MACROD2: variants seen among roughly 807,000 people sequenced by gnomAD.
The protein encoded by MACROD2 is mono-ADP ribosylhydrolase 2.
Under a neutral mutation model 70.4 loss-of-function variants are expected in MACROD2, and 36 were observed. The observed-to-expected ratio is 0.51, with a 90% CI of 0.39 to 0.68. The LOEUF is 0.68. Among genes scored for constraint, MACROD2 ranks in the 30% least tolerant of loss-of-function variants. The probability of loss-of-function intolerance (pLI) is 0.00; values close to 1 mark genes in which losing one functional copy is unlikely to be tolerated. For missense variants in MACROD2, 496 were observed against 538.4 expected (o/e 0.92, Z 0.78); for synonymous variants, 172 against 178.8 (o/e 0.96, Z 0.30).
intron 5 of MACROD2, among the ~76,000 whole-genome samples, chr20:14,715,974 A>G (rs1311310737): frequency 6.6e-6 from 1 of 152,170 alleles, no homozygotes; most frequent in East Asian, 1.9e-4. Flanking sequence ...ACACCAAAAA[A>G]TCTGTTACAT....
At chr20:15,073,196 G>A (rs979158320) in intron 5 of MACROD2, among the ~76,000 whole-genome samples, 4 of 152,020 alleles carry the variant, frequency 2.6e-5, no homozygotes, top group African/African-American at 9.7e-5. Flanking sequence ...TACCCATGAA[G>A]GAGAAGTGAT....
rs568874984 is a variant in MACROD2 at position 15,770,553 on chromosome 20, A to T, written c.646-92192A>T. On this transcript the variant is annotated intron_variant, in intron 8 of 17. Transcript: ENST00000684519. ...TCAGGAACTTAAAAGAAAGACACAA[A>T]CTCACAAACAGCGAGAAAGAGAGAC... is the stretch of plus-strand genomic sequence containing the variant. Among the ~76,000 whole-genome samples, 17 of 152,224 alleles carry T rather than the reference A, an allele frequency of 1.1e-4. No homozygotes were observed. In the East Asian group the frequency reaches 3.3e-3, roughly 29 times the overall value.
intron 3 of MACROD2, among the ~76,000 whole-genome samples, chr20:14,425,664 C>T (rs999116462): frequency 7.9e-5 from 12 of 152,190 alleles, no homozygotes; most frequent in Admixed American, 6.5e-5. Flanking sequence ...CTGGAAATTT[C>T]TGACCTCCTG....
chr20:13,995,675 C>T lies in MACROD2; in HGVS notation c.-89C>T. ...CTTTCACTTTTTCCCTGCTGAGTGC[C>T]CCCTCCCACCCCTCCCACTCCACAC... On this transcript the variant is annotated 5_prime_UTR_variant, in exon 1 of 18. Transcript: ENST00000684519. The surrounding 1 kb of genome is among the most constrained non-coding windows in gnomAD (Gnocchi z 4.3). 1 of 880,900 alleles carries T rather than the reference C, an allele frequency of 1.1e-6. No individual in the cohort carries two copies. Among genetic ancestry groups the T allele is most frequent in the East Asian group, 2.4e-5 (1 of 41,078 alleles). The allele number at this position is 880,900 out of a possible 1,614,324, so 54.6% of individuals were successfully genotyped here.
intron 6 of MACROD2, among the ~76,000 whole-genome samples, chr20:15,368,641 T>G (rs1184789694): frequency 6.6e-6 from 1 of 152,034 alleles, no homozygotes; most frequent in Non-Finnish European, 1.5e-5. Flanking sequence ...TTTTGTATTT[T>G]TAGTAGAGAC....
intron 5 of MACROD2, among the ~76,000 whole-genome samples, chr20:14,807,211 G>T (rs2072650211): frequency 6.6e-6 from 1 of 152,130 alleles, no homozygotes; most frequent in African/African-American, 2.4e-5. Context: ...GCGTCTAGCA[G>T]GTGCCCCTCT....
intron 8 of MACROD2, among the ~76,000 whole-genome samples, chr20:15,519,421 G>A (rs1295525437): frequency 1.3e-5 from 2 of 152,156 alleles, no homozygotes; most frequent in African/African-American, 4.8e-5. Flanking sequence ...ACCGTGCCCA[G>A]CCGTTTCTCT....
At chr20:14,417,425 G>T (rs2083821212) in intron 3 of MACROD2, among the ~76,000 whole-genome samples, 1 of 152,084 alleles carries the variant, frequency 6.6e-6, no homozygotes, top group Non-Finnish European at 1.5e-5. Context: ...GAAAATGATA[G>T]GAAAGTCAAT....
At chr20:14,586,488 C>T (rs1981386347) in intron 4 of MACROD2, among the ~76,000 whole-genome samples, 1 of 151,970 alleles carries the variant, frequency 6.6e-6, no homozygotes, top group African/African-American at 2.4e-5. Context: ...TAAAAAAGTC[C>T]AGTACTAGTT....
chr20:14,065,314 G>A (rs753015392), intron 2 of MACROD2, among the ~76,000 whole-genome samples: 5 of 152,160 alleles, frequency 3.3e-5, no homozygotes, highest in Non-Finnish European at 2.9e-5. Flanking sequence ...TTTGACTGTT[G>A]TATAACTCTG....
chr20:15,359,154 T>G (rs892500872), intron 6 of MACROD2, among the ~76,000 whole-genome samples: 3 of 152,286 alleles, frequency 2.0e-5, no homozygotes, highest in African/African-American at 4.8e-5. Flanking sequence ...CATTTATAAC[T>G]TAATGTAATT....
At chr20:15,669,018 A>G (rs1406936428) in intron 8 of MACROD2, among the ~76,000 whole-genome samples, 1 of 152,218 alleles carries the variant, frequency 6.6e-6, no homozygotes. Flanking sequence ...AGAACAGGAA[A>G]GAAATTTAGA....
chr20:14,120,444 C>G (rs2054572784), intron 3 of MACROD2, among the ~76,000 whole-genome samples: 2 of 151,922 alleles, frequency 1.3e-5, no homozygotes, highest in South Asian at 4.2e-4. Context: ...TTAGTTCAAC[C>G]ATTGTGGAAG....
rs531491517 is a variant in MACROD2, at chr20:15,095,603, C to T, written c.419-134337C>T. Among the ~76,000 whole-genome samples the T allele has an allele frequency of 2.6e-4, 39 of 151,926 alleles. No homozygotes were observed. The East Asian group carries it at 5.7e-3, about 22-fold the overall frequency. ...CACAATCTCGGCTCACTGCAAGCTCCGCCTCCCGGGTTCACGCCATTCTCC... is the reference window on the plus strand; with the variant it reads ...CACAATCTCGGCTCACTGCAAGCTCTGCCTCCCGGGTTCACGCCATTCTCC... On this transcript the variant is annotated intron_variant, in intron 5 of 17. Transcript: ENST00000684519.
chr20:15,703,231 A>T (rs545142555), intron 8 of MACROD2, among the ~76,000 whole-genome samples: 1 of 152,210 alleles, frequency 6.6e-6, no homozygotes, highest in African/African-American at 2.4e-5. Flanking sequence ...CAGAATAAAG[A>T]TCTGTTCTAA....
At chr20:14,414,449 G>A (rs1039718166) in intron 3 of MACROD2, among the ~76,000 whole-genome samples, 1 of 152,020 alleles carries the variant, frequency 6.6e-6, no homozygotes, top group Non-Finnish European at 1.5e-5. Flanking sequence ...CACTCCCAAG[G>A]CACCATCATT....
At chr20:14,674,471 A>C (rs963763063) in intron 4 of MACROD2, among the ~76,000 whole-genome samples, 2 of 152,200 alleles carry the variant, frequency 1.3e-5, no homozygotes, top group African/African-American at 4.8e-5. Flanking sequence ...TTGTCAGTTT[A>C]CTCACGAAAA....
intron 8 of MACROD2, among the ~76,000 whole-genome samples, chr20:15,665,853 C>T (rs1047530873): frequency 6.6e-6 from 1 of 152,162 alleles, no homozygotes; most frequent in Non-Finnish European, 1.5e-5. Context: ...ATCCACAGTC[C>T]AGCCTGTGGT....
chr20:15,979,531 C>A (rs2066364137), intron 13 of MACROD2, among the ~76,000 whole-genome samples: 2 of 152,102 alleles, frequency 1.3e-5, no homozygotes, highest in African/African-American at 4.8e-5. Context: ...CATAATGCCA[C>A]CACAGGGATG....
Sources: gnomAD v4.1 joint callset for allele counts (sites outside exome capture counted in the v4.1 genomes callset) on GRCh38, gnomAD v4.1.1 for gene constraint, Gnocchi (gnomAD v3.1) non-coding constraint, MANE v1.5 for transcripts, NCBI Gene and HGNC (gene_info 2026-07-23, HGNC 2026-07-21) for gene names.